Variants in SH2D3A observed in about 807,000 individuals in gnomAD.
SH2D3A encodes the protein SH2 domain-containing protein 3A.
SH2D3A carries 46 observed loss-of-function variants against 50.6 expected under a neutral mutation model. That is an observed-to-expected ratio of 0.91 (90% CI 0.72 to 1.16). SH2D3A has a LOEUF of 1.16. SH2D3A is among the 50% of genes most tolerant of loss of function. The pLI, the probability that SH2D3A is intolerant of heterozygous loss-of-function variation, is 0.00. For synonymous variants in SH2D3A, 377 were observed against 348.4 expected (o/e 1.08, Z -0.91); for missense variants, 783 against 786.2 (o/e 1.00, Z 0.05).
At chr19:6,766,826 C>T (rs1316618139) in intron 1 of SH2D3A, among the ~76,000 whole-genome samples, 1 of 152,190 alleles carries the variant, frequency 6.6e-6, no homozygotes, top group Non-Finnish European at 1.5e-5. Context: ...CTGGACAGGA[C>T]AGCCTCTCCT....
rs573876608 is a variant in SH2D3A, at chr19:6,761,298, T to C, written c.70-311A>G. The C allele has an allele frequency of 2.9e-4, 84 of 289,502 alleles. 1 individual carries two copies. Among genetic ancestry groups the C allele is most frequent in the South Asian group, 4.7e-4 (8 of 17,050 alleles). 17.9% of individuals were successfully genotyped at this position (289,502 alleles called of 1,614,324 possible). A position where few individuals can be genotyped will look rare whatever the true frequency, so the allele number is the denominator to read the frequency against. On this transcript the variant is annotated intron_variant, in intron 2 of 9. Transcript: ENST00000245908. ...CATAAAACCCTGCTGCACAATCTTA[T>C]AGGTTGTGTCCCCTGTCTGTCAGCT...
At chr19:6,753,942 G>T (rs1599577106) in intron 8 of SH2D3A, 110 bp downstream of exon 8, 1 of 1,330,622 alleles carries the variant, frequency 7.5e-7, no homozygotes. Context: ...GGCCTATGGT[G>T]AAGGGACCGG....
At position 6,754,702 on chromosome 19, in the gene SH2D3A, A is replaced by T. The variant is rs762085084; in HGVS notation, c.1011T>A (p.Asp337Glu). Residue 337 changes from aspartate to glutamate, a missense_variant, in exon 6 of 10, where the codon GAT becomes GAA. Asp to Glu is a conservative substitution (Grantham distance 45). Transcript: ENST00000245908. ...QATGLLGVTR[D>E]QRGNMGVSSG... ...ATGAGACTCCCATGTTGCCCCGCTG[A>T]TCTCTGGTCACTCCCAGGAGGCCTG... The T allele has an allele frequency of 1.2e-6, 2 of 1,614,174 alleles. No homozygotes were observed. The highest frequency in any genetic ancestry group is 3.3e-5 in the Admixed American group (2 of 60,022).
At chr19:6,756,159 A>G (rs759440267) in intron 4 of SH2D3A, among the ~76,000 whole-genome samples, 99 of 148,004 alleles carry the variant, frequency 6.7e-4, no homozygotes, top group Non-Finnish European at 1.1e-3. Flanking sequence ...TATTATATAA[A>G]TATATAATAT....
At chr19:6,757,207 C>T (rs1837176221) in intron 4 of SH2D3A, 1 of 150,636 alleles carries the variant, frequency 6.6e-6, no homozygotes. Context: ...CTGTATTTAC[C>T]ATGCCTTTGA....
intron 4 of SH2D3A, among the ~76,000 whole-genome samples, chr19:6,755,890 G>A (rs1032555012): frequency 2.0e-5 from 3 of 150,958 alleles, no homozygotes; most frequent in African/African-American, 7.3e-5. Flanking sequence ...ACCAGCCTGG[G>A]CAACATAACA....
At chr19:6,758,027 T>TTTTTG (rs928809416) in intron 4 of SH2D3A, 2 of 152,220 alleles carry the variant, frequency 1.3e-5, no homozygotes, top group Non-Finnish European at 1.5e-5. Context: ...TACTCTGTTT[T>TTTTTG]TTTTGTTTTG....
intron 2 of SH2D3A, among the ~76,000 whole-genome samples, chr19:6,762,502 C>CTTTTT (rs35272482): frequency 6.1e-5 from 6 of 98,836 alleles, no homozygotes; most frequent in African/African-American, 1.9e-4. Flanking sequence ...TTCTTCCGGC[C>CTTTTT]TTTTTTTTTT....
chr19:6,752,516 T>A lies in SH2D3A; in HGVS notation c.*77A>T. ...GATTCCACCTGAGGCGCGAGGAGCC[T>A]GGGACGACTCCTTTGGTCTCTTCTG... On this transcript the variant is annotated 3_prime_UTR_variant, in exon 10 of 10. Coordinates refer to ENST00000245908, the MANE Select transcript of SH2D3A (RefSeq NM_005490.3). The A allele has an allele frequency of 3.7e-6, 5 of 1,335,376 alleles. No individual in the cohort carries two copies. The highest frequency in any genetic ancestry group is 4.9e-6 in the Non-Finnish European group (5 of 1,013,508). 82.7% of individuals were successfully genotyped at this position (1,335,376 alleles called of 1,614,324 possible).
In SH2D3A at chr19:6,759,433, C is replaced by T. The variant is rs1568267040; in HGVS notation, c.496+161G>A. ...CAGCCTTGTAAACACACATTTTAAGCACCCACAAAGTCCCTGCATGTTTTA... is the reference window on the plus strand; with the variant it reads ...CAGCCTTGTAAACACACATTTTAAGTACCCACAAAGTCCCTGCATGTTTTA... On this transcript the variant is annotated intron_variant, in intron 4 of 9. Transcript: ENST00000245908. 6 of 656,108 alleles carry T rather than the reference C, an allele frequency of 9.1e-6. No individual in the cohort carries two copies. In the East Asian group the frequency reaches 1.1e-4, roughly 12 times the overall value. The allele number at this position is 656,108 out of a possible 1,614,324, so 40.6% of individuals were successfully genotyped here.
In SH2D3A at chr19:6,754,657, AG is replaced by A; in HGVS notation, c.1055del (p.Thr352IlefsTer8). The part of the protein sequence containing the change: ...MGVSSGLELL[T>X]LPHGHHLRLE... ...ACCTCAAGTGGTGTCCATGGGGAAG[AG>A]TGAGCAGCTCCAGGCCAGATGAGAC... On this transcript the variant is annotated frameshift_variant, in exon 6 of 10. Transcript: ENST00000245908. LOFTEE classifies it high-confidence loss of function. The A allele has an allele frequency of 6.2e-7, 1 of 1,614,190 alleles. No individual in the cohort carries two copies. Among genetic ancestry groups the A allele is most frequent in the Non-Finnish European group, 8.5e-7 (1 of 1,180,040 alleles).
Position 6,754,604 on chromosome 19 carries a change from C to A in SH2D3A, c.1097+12G>T. 1 of 1,614,132 alleles carries A rather than the reference C, an allele frequency of 6.2e-7. No homozygotes were observed. Among genetic ancestry groups the A allele is most frequent in the Non-Finnish European group, 8.5e-7 (1 of 1,179,996 alleles). The stretch of plus-strand genomic sequence containing the variant: ...GGCCTCCCCCAACCAAGATTACAAG[C>A]TGCTGGCTCACCTCTCCAGCAGTTC... On this transcript the variant is annotated intron_variant, in intron 6 of 9. Coordinates refer to ENST00000245908, the MANE Select transcript of SH2D3A (RefSeq NM_005490.3).
At chr19:6,752,780 G>A in intron 9 of SH2D3A, 27 bp from the exon 10 acceptor site, 3 of 1,500,712 alleles carry the variant, frequency 2.0e-6, no homozygotes, top group Non-Finnish European at 2.7e-6. Flanking sequence ...GTGGGCTGGG[G>A]GCGGGGCCCA....
At chr19:6,765,659 A>AATCGCTT (rs940613089) in intron 1 of SH2D3A, among the ~76,000 whole-genome samples, 20 of 151,188 alleles carry the variant, frequency 1.3e-4, no homozygotes, top group Middle Eastern at 3.4e-3. Context: ...GAGGAGAGAG[A>AATCGCTT]ATCGCTTGAA....
intron 2 of SH2D3A, 117 bp downstream of exon 2, chr19:6,763,563 G>A: frequency 2.4e-6 from 2 of 827,050 alleles, no homozygotes; most frequent in Non-Finnish European, 3.8e-6. Flanking sequence ...CCAGCCCTCT[G>A]CCACCTGTCC....
intron 1 of SH2D3A, among the ~76,000 whole-genome samples, chr19:6,765,439 T>C (rs1213031600): frequency 6.6e-6 from 1 of 152,028 alleles, no homozygotes; most frequent in African/African-American, 2.4e-5. Context: ...CTAACCCCTA[T>C]TCTTTGCTTT....
At chr19:6,753,399 G>C (rs1439433657) in intron 9 of SH2D3A, 57 bp downstream of exon 9, 4 of 1,420,594 alleles carry the variant, frequency 2.8e-6, no homozygotes, top group Non-Finnish European at 2.8e-6. Context: ...TGGGGGATCC[G>C]GTTAGAACCT....
In SH2D3A at chr19:6,753,479, T is replaced by C; in HGVS notation, c.1547A>G (p.Lys516Arg). 1 of 1,525,450 alleles carries C rather than the reference T, an allele frequency of 6.6e-7. No homozygotes were observed. The highest frequency in any genetic ancestry group is 8.8e-7 in the Non-Finnish European group (1 of 1,130,982). The allele number at this position is 1,525,450 out of a possible 1,614,324, so 94.5% of individuals were successfully genotyped here. ...HMVRDAPKFR[K>R]VAAQRLRGFR... ...ACCTCGCAGGCGCTGGGCTGCCACC[T>C]TGCGGAATTTGGGTGCGTCCCGGAC... Residue 516 changes from lysine to arginine, a missense_variant, in exon 9 of 10, where the codon AAG becomes AGG. Transcript: ENST00000245908.
At chr19:6,756,343 T>C (rs1243941262) in intron 4 of SH2D3A, among the ~76,000 whole-genome samples, 1 of 151,422 alleles carries the variant, frequency 6.6e-6, no homozygotes, top group East Asian at 1.9e-4. Context: ...TAGATATCTA[T>C]AGAGAGACAA....
Sources: allele counts gnomAD v4.1 joint callset (sites outside exome capture counted in the v4.1 genomes callset), GRCh38; gene constraint gnomAD v4.1.1; transcripts MANE v1.5; gene names NCBI Gene and HGNC (gene_info 2026-07-23, HGNC 2026-07-21).